The following RBL1 variants were observed in gnomAD, a reference collection of about 807,000 sequenced individuals.
RBL1 encodes RB transcriptional corepressor like 1.
RBL1 carries 82 observed loss-of-function variants against 123.0 expected under a neutral mutation model. The observed-to-expected ratio is 0.67, with a 90% confidence interval of 0.56 to 0.80. RBL1 has a LOEUF of 0.80. Among genes scored for constraint, RBL1 ranks in the 30% least tolerant of loss-of-function variants. The pLI is 0.00. For missense variants in RBL1, 1,171 were observed against 1,299.6 expected, an observed-to-expected ratio of 0.90 and a Z score of 1.52; for synonymous variants, 405 against 441.3, an observed-to-expected ratio of 0.92 and a Z score of 1.03.
At position 37,054,895 on chromosome 20, in the gene RBL1, G is replaced by A. The variant is rs983599794; in HGVS notation, c.1467+658C>T. Among the ~76,000 whole-genome samples the A allele has an allele frequency of 3.7e-4, 57 of 152,056 alleles. 1 individual carries two copies. The highest frequency in any genetic ancestry group is 3.5e-3 in the Admixed American group (53 of 15,240). ...GTGTATGCACCATCAAGATATTAGC[G>A]TAAACTATGAAAAAGAAAGACACAG... On this transcript the variant is annotated intron_variant, in intron 11 of 21. Transcript: ENST00000373664.
At chr20:37,073,095 A>G in intron 2 of RBL1, among the ~76,000 whole-genome samples, 1 of 152,120 alleles carries the variant, frequency 6.6e-6, no homozygotes, top group East Asian at 1.9e-4. Context: ...AGCTGGGACC[A>G]CAGGTATGTG....
intron 7 of RBL1, among the ~76,000 whole-genome samples, chr20:37,063,293 G>C (rs184360159): frequency 1.3e-5 from 2 of 152,096 alleles, no homozygotes; most frequent in East Asian, 3.9e-4. Context: ...GGCCCACCTT[G>C]GCCTCCCAAA....
chr20:37,002,336 GTTTTTTTTT>G (rs965408801), intron 21 of RBL1, among the ~76,000 whole-genome samples: 18 of 76,350 alleles, frequency 2.4e-4, no homozygotes, highest in East Asian at 6.9e-4. Context: ...AGCCTTATCT[GTTTTTTTTT>G]TTTTTTTTTT....
At chr20:37,047,634 T>C (rs568572341) in intron 11 of RBL1, among the ~76,000 whole-genome samples, 120 of 152,288 alleles carry the variant, frequency 7.9e-4, no homozygotes, top group Non-Finnish European at 1.5e-3. Flanking sequence ...TTAAGTTTAA[T>C]ATAAGTTTTC....
chr20:37,062,009 G>A, intron 8 of RBL1, 75 bp downstream of exon 8: 1 of 1,367,502 alleles, frequency 7.3e-7, no homozygotes, highest in Admixed American at 2.6e-5. Flanking sequence ...CTTGAAAGAT[G>A]CTTCTGCTGT....
At chr20:37,061,522 A>T (rs1257637322) in intron 8 of RBL1, among the ~76,000 whole-genome samples, 1 of 152,228 alleles carries the variant, frequency 6.6e-6, no homozygotes, top group African/African-American at 2.4e-5. Context: ...ATATGAGGAA[A>T]TAGGAACAGA....
intron 21 of RBL1, among the ~76,000 whole-genome samples, chr20:37,000,900 G>T (rs1413122253): frequency 7.0e-6 from 1 of 143,696 alleles, no homozygotes; most frequent in African/African-American, 2.6e-5. Context: ...GGGAGGTGGG[G>T]GGGTCAGCCC....
At chr20:37,072,750 C>A (rs73289835) in intron 2 of RBL1, among the ~76,000 whole-genome samples, 22 of 152,228 alleles carry the variant, frequency 1.4e-4, no homozygotes, top group African/African-American at 5.3e-4. Context: ...TCTCCTGGGG[C>A]AAATAAAGTG....
Position 37,093,271 on chromosome 20 carries a change from T to C in RBL1, c.156+2502A>G, listed in dbSNP as rs189961704. 3.5e-4 allele frequency among the ~76,000 whole-genome samples: 53 copies of C among 151,398 alleles called. 1 individual carries two copies. The East Asian group carries it at 9.3e-3, about 27-fold the overall frequency. On this transcript the variant is annotated intron_variant, in intron 1 of 21. Transcript: ENST00000373664. The stretch of plus-strand genomic sequence containing the variant: ...GACTACTCCAAATACCTTTAAAAAA[T>C]TGATTTTAAAAAAAGAGGAAAATAA...
At chr20:37,015,163 A>C (rs910207279) in intron 19 of RBL1, among the ~76,000 whole-genome samples, 3 of 152,074 alleles carry the variant, frequency 2.0e-5, no homozygotes, top group Non-Finnish European at 2.9e-5. Context: ...CAGTCACCCA[A>C]GTTTCTTTGG....
Position 36,998,872 on chromosome 20 carries a change from C to A in RBL1, c.3094G>T (p.Val1032Leu), listed in dbSNP as rs750148088. ...RQGEQRTKKRVIAIDSDAESP... is the reference protein window; with the variant it reads ...RQGEQRTKKRLIAIDSDAESP... ...TCTGCATCACTATCGATGGCTATTA[C>A]TCGCTTCTTGGTTCTCTGCTCACCT... The change falls in exon 22 of 22, where the codon GTA (valine) becomes TTA (leucine). Residue 1032 changes from valine (V) to leucine (L), a missense_variant. Physicochemically the swap from Val to Leu is conservative, Grantham distance 32. Transcript: ENST00000373664. 5.0e-6 allele frequency: 8 copies of A among 1,613,486 alleles called. No individual in the cohort carries two copies. The South Asian group carries it at 8.8e-5, about 18-fold the overall frequency.
At position 37,079,598 on chromosome 20, in the gene RBL1, C is replaced by T. The variant is rs557189252; in HGVS notation, c.290+9391G>A. On this transcript the variant is annotated intron_variant, in intron 2 of 21. Transcript: ENST00000373664. Reference sequence around the variant, plus strand: ...CCTCTACCTCAGCCTCCCAAGATAGCTGGGACTACAGGTGCATATCACCAC... The same window carrying T: ...CCTCTACCTCAGCCTCCCAAGATAGTTGGGACTACAGGTGCATATCACCAC... Among the ~76,000 whole-genome samples the T allele has an allele frequency of 2.1e-4, 32 of 151,338 alleles. 1 individual carries two copies. In the South Asian group the frequency reaches 6.2e-3, roughly 29 times the overall value.
chr20:37,055,418 A>G (rs2146284937), intron 11 of RBL1, 135 bp downstream of exon 11: 1 of 1,360,618 alleles, frequency 7.3e-7, no homozygotes, highest in African/African-American at 1.5e-5. Flanking sequence ...CATGTGCTAA[A>G]GTCAACTAAA....
chr20:37,067,918 C>G, intron 3 of RBL1, 68 bp downstream of exon 3: 1 of 1,516,254 alleles, frequency 6.6e-7, no homozygotes, highest in Non-Finnish European at 8.9e-7. Flanking sequence ...AACAGACTTT[C>G]AAAAAAGTAT....
At chr20:37,064,551 CT>C in intron 7 of RBL1, among the ~76,000 whole-genome samples, 1 of 152,092 alleles carries the variant, frequency 6.6e-6, no homozygotes, top group East Asian at 1.9e-4. Context: ...AGAGACCAGC[CT>C]GGGCAACACA....
chr20:37,069,662 T>C (rs548858990), intron 2 of RBL1, among the ~76,000 whole-genome samples: 1 of 146,726 alleles, frequency 6.8e-6, no homozygotes, highest in South Asian at 2.2e-4. Context: ...GTCTGAGAAG[T>C]GAGGAGCCTC....
intron 16 of RBL1, among the ~76,000 whole-genome samples, chr20:37,029,133 G>A (rs1022013263): frequency 4.6e-5 from 7 of 152,082 alleles, no homozygotes; most frequent in Non-Finnish European, 1.0e-4. Flanking sequence ...ATACAGGAAA[G>A]CATTTGACAA....
chr20:37,054,666 C>T (rs954877215), intron 11 of RBL1, among the ~76,000 whole-genome samples: 1 of 151,030 alleles, frequency 6.6e-6, no homozygotes, highest in Admixed American at 6.6e-5. Context: ...CCTGTCTTTA[C>T]TAAAAATACA....
At chr20:37,010,614 T>C (rs972422200) in intron 19 of RBL1, among the ~76,000 whole-genome samples, 7 of 152,136 alleles carry the variant, frequency 4.6e-5, no homozygotes, top group African/African-American at 1.4e-4. Flanking sequence ...CCACAGGCAA[T>C]TGTATCACAA....
Sources: allele counts gnomAD v4.1 joint callset (sites outside exome capture counted in the v4.1 genomes callset), GRCh38; gene constraint gnomAD v4.1.1; transcripts MANE v1.5; gene names NCBI Gene and HGNC (gene_info 2026-07-23, HGNC 2026-07-21).